Variants in LRP1B observed in about 807,000 individuals in gnomAD.
The protein encoded by LRP1B is low-density lipoprotein receptor-related protein 1B.
Under a neutral mutation model 556.6 loss-of-function variants are expected in LRP1B, and 217 were observed. The observed-to-expected ratio is 0.39, with a 90% CI of 0.35 to 0.44. The LOEUF is 0.44. Ranked by LOEUF, LRP1B falls within the 20% of genes least tolerant of loss-of-function variation. LRP1B has a pLI of 1.00. For missense variants in LRP1B, 5,053 were observed against 5,620.8 expected (o/e 0.90, Z 3.23); for synonymous variants, 2,047 against 1,865.8 (o/e 1.10, Z -2.50).
At chr2:140,248,878 A>C (rs1282789163) in intron 86 of LRP1B, among the ~76,000 whole-genome samples, 1 of 151,132 alleles carries the variant, frequency 6.6e-6, no homozygotes, top group Non-Finnish European at 1.5e-5. Context: ...AATTTTTCTA[A>C]TTTACCCCCG....
chr2:140,384,468 A>G (rs946460061), intron 67 of LRP1B, among the ~76,000 whole-genome samples: 1 of 152,192 alleles, frequency 6.6e-6, no homozygotes, highest in African/African-American at 2.4e-5. Context: ...CTAAAACTCT[A>G]TTGACTCTCT....
intron 2 of LRP1B, among the ~76,000 whole-genome samples, chr2:141,779,428 T>C (rs1695174694): frequency 6.6e-6 from 1 of 151,500 alleles, no homozygotes; most frequent in South Asian, 2.1e-4. Context: ...ACTTTTTTTT[T>C]TTTTTTTTTG....
At chr2:141,627,581 C>T (rs1190076105) in intron 2 of LRP1B, among the ~76,000 whole-genome samples, 7 of 152,134 alleles carry the variant, frequency 4.6e-5, no homozygotes, top group Non-Finnish European at 8.8e-5. Context: ...CTGTGAACTG[C>T]ATATGCTAAG....
intron 7 of LRP1B, among the ~76,000 whole-genome samples, chr2:141,157,940 A>G (rs1276517623): frequency 6.6e-6 from 1 of 152,128 alleles, no homozygotes; most frequent in East Asian, 1.9e-4. Flanking sequence ...TTGCTCTAAT[A>G]TGTGCATGTA....
At chr2:141,940,738 T>C (rs148822084) in intron 1 of LRP1B, among the ~76,000 whole-genome samples, 3 of 152,252 alleles carry the variant, frequency 2.0e-5, no homozygotes, top group South Asian at 2.1e-4. Flanking sequence ...AATCTCTCAT[T>C]TGCAAAGAGA....
intron 2 of LRP1B, among the ~76,000 whole-genome samples, chr2:141,749,482 A>G (rs1292130396): frequency 1.3e-5 from 2 of 152,204 alleles, no homozygotes; most frequent in African/African-American, 4.8e-5. Flanking sequence ...TAGGTAAATA[A>G]CTATAGGTCA....
intron 2 of LRP1B, among the ~76,000 whole-genome samples, chr2:141,771,464 T>A (rs986058355): frequency 1.3e-5 from 2 of 152,216 alleles, no homozygotes; most frequent in Non-Finnish European, 2.9e-5. Context: ...CATAAAACTC[T>A]TATTCCTAAG....
intron 3 of LRP1B, among the ~76,000 whole-genome samples, chr2:141,464,202 T>A (rs555012897): frequency 6.6e-6 from 1 of 152,126 alleles, no homozygotes; most frequent in South Asian, 2.1e-4. Context: ...TGCTGTGAGT[T>A]TACCCTTGCT....
chr2:142,050,393 T>C (rs1704413328), intron 1 of LRP1B, among the ~76,000 whole-genome samples: 1 of 151,908 alleles, frequency 6.6e-6, no homozygotes, highest in Admixed American at 6.6e-5. Flanking sequence ...CCATAAAAGT[T>C]ACTGAAAACA....
chr2:141,459,506 A>G (rs575479596), intron 3 of LRP1B, among the ~76,000 whole-genome samples: 1 of 152,176 alleles, frequency 6.6e-6, no homozygotes, highest in Admixed American at 6.5e-5. Flanking sequence ...GAAGGAAGCA[A>G]GGTGATATGG....
intron 3 of LRP1B, among the ~76,000 whole-genome samples, chr2:141,304,668 A>T (rs12989989): frequency 0.16 from 24,479 of 150,458 alleles, 2,170 homozygotes; most frequent in African/African-American, 0.21. Context: ...ATATATATAT[A>T]TTTTTTATTT....
chr2:142,117,498 C>T (rs13024219), intron 1 of LRP1B, among the ~76,000 whole-genome samples: 98,612 of 151,864 alleles, frequency 0.65, 32,274 homozygotes, highest in East Asian at 0.72. Flanking sequence ...CAGCCTTCTA[C>T]TGATATCGGC....
At chr2:140,243,085 A>C (rs1375524389) in intron 87 of LRP1B, among the ~76,000 whole-genome samples, 1 of 150,954 alleles carries the variant, frequency 6.6e-6, no homozygotes, top group Non-Finnish European at 1.5e-5. Flanking sequence ...TATGAAAATG[A>C]CTGTGGATAG....
intron 1 of LRP1B, among the ~76,000 whole-genome samples, chr2:142,030,061 G>T (rs1331782804): frequency 1.3e-5 from 2 of 149,524 alleles, no homozygotes; most frequent in African/African-American, 2.5e-5. Context: ...TCTGCAAGTT[G>T]CTTGTATATT....
chr2:141,179,849 C>G (rs1040615914), intron 7 of LRP1B, among the ~76,000 whole-genome samples: 2 of 148,380 alleles, frequency 1.3e-5, no homozygotes, highest in African/African-American at 5.0e-5. Context: ...AGCAGTCAAG[C>G]AGAATGAATC....
intron 65 of LRP1B, 41 bp from the exon 66 acceptor site, chr2:140,442,664 C>A (rs369092391): frequency 1.3e-6 from 2 of 1,598,502 alleles, no homozygotes; most frequent in African/African-American, 2.7e-5. Flanking sequence ...CTTTGGAGAA[C>A]ATATTTATTT....
chr2:141,729,538 A>G (rs1488661208), intron 2 of LRP1B, among the ~76,000 whole-genome samples: 1 of 152,172 alleles, frequency 6.6e-6, no homozygotes, highest in Non-Finnish European at 1.5e-5. Flanking sequence ...AGTACAACCC[A>G]GGATGTGCTA....
At chr2:141,924,073 A>T (rs1169080524) in intron 1 of LRP1B, among the ~76,000 whole-genome samples, 2 of 151,988 alleles carry the variant, frequency 1.3e-5, no homozygotes, top group Non-Finnish European at 2.9e-5. Flanking sequence ...CCTAAGTGGG[A>T]ACAGGCATTT....
chr2:140,762,037 G>A (rs1226228054), intron 35 of LRP1B, among the ~76,000 whole-genome samples: 1 of 152,006 alleles, frequency 6.6e-6, no homozygotes, highest in Admixed American at 6.6e-5. Flanking sequence ...CTCAGATGAA[G>A]CTGTGCCATG....
Sources: allele counts gnomAD v4.1 joint callset (sites outside exome capture counted in the v4.1 genomes callset), GRCh38; gene constraint gnomAD v4.1.1; transcripts MANE v1.5; gene names NCBI Gene and HGNC (gene_info 2026-07-23, HGNC 2026-07-21).